ALOX12B: variants seen among roughly 807,000 people sequenced by gnomAD.
ALOX12B encodes the protein arachidonate 12-lipoxygenase, 12R type.
ALOX12B carries 47 observed loss-of-function variants against 78.9 expected under a neutral mutation model. That is an observed-to-expected ratio of 0.60 (90% CI 0.47 to 0.76). The LOEUF (loss-of-function observed/expected upper bound fraction) is 0.76, where lower values mean the gene tolerates loss of function less well. Ranked by LOEUF, ALOX12B falls within the 30% of genes least tolerant of loss-of-function variation. ALOX12B has a pLI of 0.00. For missense variants in ALOX12B, 805 were observed against 922.6 expected, an observed-to-expected ratio of 0.87 and a Z score of 1.65; for synonymous variants, 370 against 374.5, an observed-to-expected ratio of 0.99 and a Z score of 0.14.
Position 8,079,729 on chromosome 17 carries a change from C to A in ALOX12B, c.927+40G>T, listed in dbSNP as rs767713690. ...GAGACGGGGATGCCCGCGAGGGAGG[C>A]CGGGAGGAGGGCCGGGGTCTCCGCC... is the stretch of plus-strand genomic sequence containing the variant. On this transcript the variant is annotated intron_variant, in intron 7 of 14. Coordinates refer to ENST00000647874, the MANE Select transcript of ALOX12B (RefSeq NM_001139.3). This position sits in a 1 kb window ranked among gnomAD's most constrained non-coding sequence, Gnocchi z 6.4. 1.9e-6 allele frequency: 3 copies of A among 1,593,396 alleles called. No individual in the cohort carries two copies. The Admixed American group carries it at 5.2e-5, about 28-fold the overall frequency.
rs1977187202 is a variant in ALOX12B, at chr17:8,080,346, A to G, written c.651-8T>C. 4 of 1,613,894 alleles carry G rather than the reference A, an allele frequency of 2.5e-6. No individual in the cohort carries two copies. Among genetic ancestry groups the G allele is most frequent in the Admixed American group, 3.3e-5 (2 of 60,008 alleles). ...ACTTTGAAAGCCAGTGCCCTAGGAG[A>G]TGGGATTCCAGGAAGAGGCCTTCAG... On this transcript the variant is annotated splice_polypyrimidine_tract_variant and splice_region_variant and intron_variant, in intron 5 of 14. Transcript: ENST00000647874. This position sits in a 1 kb window ranked among gnomAD's most constrained non-coding sequence, Gnocchi z 4.8.
intron 9 of ALOX12B, 64 bp downstream of exon 9, chr17:8,076,926 G>T (rs1042711593): frequency 3.9e-6 from 6 of 1,550,116 alleles, no homozygotes; most frequent in Non-Finnish European, 4.4e-6. Flanking sequence ...GTGGGCCTGG[G>T]GGTTTTCGGA....
intron 12 of ALOX12B, among the ~76,000 whole-genome samples, chr17:8,074,062 T>C (rs960953929): frequency 6.6e-6 from 1 of 152,178 alleles, no homozygotes; most frequent in Non-Finnish European, 1.5e-5. Context: ...GTCCCAGACC[T>C]GGGGATGTTG....
intron 2 of ALOX12B, among the ~76,000 whole-genome samples, chr17:8,081,905 A>G (rs1977225315): frequency 6.6e-6 from 1 of 151,988 alleles, no homozygotes; most frequent in Non-Finnish European, 1.5e-5. Context: ...TGCCTCCCAA[A>G]GTGCTGGGAT....
intron 13 of ALOX12B, 68 bp from the exon 14 acceptor site, chr17:8,073,386 T>G (rs578164109): frequency 6.3e-7 from 1 of 1,598,166 alleles, no homozygotes; most frequent in African/African-American, 1.3e-5. Context: ...CACCAGGTGC[T>G]GACCACCCGC....
chr17:8,087,562 G>A lies in ALOX12B; in HGVS notation c.-120C>T, dbSNP rs1262330080. 1.2e-5 allele frequency: 19 copies of A among 1,525,250 alleles called. No individual in the cohort carries two copies. The South Asian group carries it at 1.5e-4, about 12-fold the overall frequency. 94.5% of individuals were successfully genotyped at this position (1,525,250 alleles called of 1,614,324 possible). A position where few individuals can be genotyped will look rare whatever the true frequency, so the allele number is the denominator to read the frequency against. ...AGTGGAGTGGACAGGGCTGGCCTCC[G>A]AGGTGCAGTGGTGAGGTGGCGAGGT... is the stretch of plus-strand genomic sequence containing the variant. On this transcript the variant is annotated 5_prime_UTR_variant, in exon 1 of 15. Transcript: ENST00000647874.
chr17:8,081,073 C>T (rs773879194), intron 3 of ALOX12B, 33 bp downstream of exon 3: 4 of 1,613,270 alleles, frequency 2.5e-6, no homozygotes, highest in East Asian at 4.5e-5. Flanking sequence ...GGACCCCTGC[C>T]GGGCGCCCAG....
chr17:8,073,420 C>A (rs1180469406), intron 13 of ALOX12B, 102 bp from the exon 14 acceptor site: 6 of 1,522,386 alleles, frequency 3.9e-6, no homozygotes, highest in Admixed American at 1.7e-5. Flanking sequence ...AGATGGACTC[C>A]CCGCCCTTGG....
rs138646793 is a variant in ALOX12B, at chr17:8,080,959, G to A, written c.452C>T (p.Pro151Leu). The change falls in exon 4 of 15, where the codon CCT (proline) becomes CTT (leucine). Residue 151 changes from proline (P) to leucine (L), a missense_variant. Pro to Leu is a moderately conservative substitution (Grantham distance 98). Transcript: ENST00000647874. This position sits in a 1 kb window ranked among gnomAD's most constrained non-coding sequence, Gnocchi z 4.8. ...QDFYHWRVFL[P>L]GLPSYVHIPS... ...AATGTGCACATAGCTGGGCAGGCCA[G>A]GAAGAAAGACTCGCCAGCTGCAAGG... 1.2e-6 allele frequency: 2 copies of A among 1,613,968 alleles called. No homozygotes were observed. The highest frequency in any genetic ancestry group is 2.2e-5 in the South Asian group (2 of 91,082).
rs773173020 is a variant in ALOX12B, at chr17:8,072,815, A to G, written c.2062T>C (p.Tyr688His). 5.6e-6 allele frequency: 9 copies of G among 1,614,110 alleles called. No individual in the cohort carries two copies. Among genetic ancestry groups the G allele is most frequent in the African/African-American group, 1.3e-5 (1 of 74,928 alleles). Residue 688 changes from tyrosine (Y) to histidine (H), a missense_variant, in exon 15 of 15, where the codon TAC becomes CAC. Coordinates refer to ENST00000647874, the MANE Select transcript of ALOX12B (RefSeq NM_001139.3). ...QRNKCLPIPY[Y>H]YLDPVLIENS... ...TCAATCAGCACCGGGTCCAGGTAGTAGTAGGGGATGGGAAGGCACTTGTTG... is the reference window on the plus strand; with the variant it reads ...TCAATCAGCACCGGGTCCAGGTAGTGGTAGGGGATGGGAAGGCACTTGTTG...
At position 8,072,848 on chromosome 17, in the gene ALOX12B, G is replaced by A; in HGVS notation, c.2029C>T (p.Arg677Cys). 7.4e-6 allele frequency: 12 copies of A among 1,614,210 alleles called. No individual in the cohort carries two copies. Among genetic ancestry groups the A allele is most frequent in the Non-Finnish European group, 9.3e-6 (11 of 1,180,034 alleles). Residue 677 changes from arginine to cysteine, a missense_variant, in exon 15 of 15, where the codon CGC becomes TGC. Coordinates refer to ENST00000647874, the MANE Select transcript of ALOX12B (RefSeq NM_001139.3). ...QRLNQISHDI[R>C]QRNKCLPIPY... is the part of the protein sequence containing the mutation. ...ATGGGAAGGCACTTGTTGCGCTGGC[G>A]GATGTCGTGTGAGATCTGGTTCAGG...
In ALOX12B at chr17:8,080,356, A is replaced by G; in HGVS notation, c.651-18T>C. 2 of 1,613,710 alleles carry G rather than the reference A, an allele frequency of 1.2e-6. No individual in the cohort carries two copies. Among genetic ancestry groups the G allele is most frequent in the Non-Finnish European group, 8.5e-7 (1 of 1,179,592 alleles). On this transcript the variant is annotated intron_variant, in intron 5 of 14. Transcript: ENST00000647874. The surrounding 1 kb of genome is among the most constrained non-coding windows in gnomAD (Gnocchi z 4.8). Reference sequence around the variant, plus strand: ...CCAGTGCCCTAGGAGATGGGATTCCAGGAAGAGGCCTTCAGAGGGGCTGCC... The same window carrying G: ...CCAGTGCCCTAGGAGATGGGATTCCGGGAAGAGGCCTTCAGAGGGGCTGCC...
chr17:8,073,363 A>G, intron 13 of ALOX12B, 45 bp from the exon 14 acceptor site: 1 of 1,611,004 alleles, frequency 6.2e-7, no homozygotes, highest in South Asian at 1.1e-5. Flanking sequence ...AGAGTACCTC[A>G]GGAGTTTCCT....
In ALOX12B at chr17:8,083,537, T is replaced by A. The variant is rs540867726; in HGVS notation, c.353-2350A>T. Among the ~76,000 whole-genome samples the A allele has an allele frequency of 7.1e-4, 108 of 151,998 alleles. 1 individual carries two copies. Among genetic ancestry groups the A allele is most frequent in the African/African-American group, 2.5e-3 (104 of 41,452 alleles). ...TGAGGTCAGGAATTCAAGACCAGCC[T>A]GACCAACATGATGAAACCCCATCTC... On this transcript the variant is annotated intron_variant, in intron 2 of 14. Coordinates refer to ENST00000647874, the MANE Select transcript of ALOX12B (RefSeq NM_001139.3).
chr17:8,085,786 T>G (rs963249892), intron 2 of ALOX12B, among the ~76,000 whole-genome samples: 2 of 152,070 alleles, frequency 1.3e-5, no homozygotes, highest in African/African-American at 4.8e-5. Context: ...ATGCTGAGGG[T>G]AGCTGCTGGG....
Position 8,075,614 on chromosome 17 carries a change from G to C in ALOX12B, c.1635C>G (p.Leu545=). The C allele has an allele frequency of 1.9e-6, 3 of 1,614,154 alleles. No individual in the cohort carries two copies. Among genetic ancestry groups the C allele is most frequent in the Non-Finnish European group, 2.5e-6 (3 of 1,180,032 alleles). The part of the protein sequence containing the change: ...SWVQEIFKEC[L]LGRESSGFPR... ...CCATACCTGAGCTCTCCCGCCCCAG[G>C]AGGCACTCTTTAAATATTTCCTGCA... is the stretch of plus-strand genomic sequence containing the variant. Residue 545 remains leucine (L), a synonymous_variant, in exon 12 of 15, where the codon CTC becomes CTG. Transcript: ENST00000647874.
Position 8,072,911 on chromosome 17 carries a change from C to A in ALOX12B, c.1966G>T (p.Glu656Ter). Residue 656 changes from glutamate (E) to a stop codon, truncating the protein, a stop_gained, in exon 15 of 15, where the codon GAG becomes TAG. Transcript: ENST00000647874. LOFTEE classifies it high-confidence loss of function. Reference protein sequence around the residue: ...GHFPDIHFVEEAPRRSIEAFR... With the variant: ...GHFPDIHFVE Reference sequence around the variant, plus strand: ...GCCTCTATGCTCCTCCGCGGGGCCTCCTCCACGAAGTGAATGTCCGGGAAG... The same window carrying A: ...GCCTCTATGCTCCTCCGCGGGGCCTACTCCACGAAGTGAATGTCCGGGAAG... 6.2e-7 allele frequency: 1 copy of A among 1,613,918 alleles called. No homozygotes were observed. The highest frequency in any genetic ancestry group is 8.5e-7 in the Non-Finnish European group (1 of 1,179,918).
chr17:8,080,088 C>T lies in ALOX12B; in HGVS notation c.754+147G>A, dbSNP rs2151823082. On this transcript the variant is annotated intron_variant, in intron 6 of 14. Coordinates refer to ENST00000647874, the MANE Select transcript of ALOX12B (RefSeq NM_001139.3). This position sits in a 1 kb window ranked among gnomAD's most constrained non-coding sequence, Gnocchi z 4.8. ...CTGGCGCTGAGCGGCCGGAGGAGCC[C>T]GGTGCGACATTTTCCAAGAAGCCGC... 6.8e-7 allele frequency: 1 copy of T among 1,476,656 alleles called. No homozygotes were observed. Among genetic ancestry groups the T allele is most frequent in the Non-Finnish European group, 9.4e-7 (1 of 1,062,868 alleles). 91.5% of individuals were successfully genotyped at this position (1,476,656 alleles called of 1,614,324 possible).
rs1233224399 is a variant in ALOX12B, at chr17:8,080,170, GC to G, written c.754+64del. On this transcript the variant is annotated intron_variant, in intron 6 of 14. Transcript: ENST00000647874. This position sits in a 1 kb window ranked among gnomAD's most constrained non-coding sequence, Gnocchi z 4.8. ...CCGTCCCACTGCCCCGAAGTCGGGG[GC>G]CTGCCTAGCACGCCGGAGACCGCCT... The G allele has an allele frequency of 6.4e-7, 1 of 1,565,338 alleles. No individual in the cohort carries two copies. The highest frequency in any genetic ancestry group is 8.8e-7 in the Non-Finnish European group (1 of 1,135,966).
Sources: gnomAD v4.1 joint callset for allele counts (sites outside exome capture counted in the v4.1 genomes callset) on GRCh38, gnomAD v4.1.1 for gene constraint, Gnocchi (gnomAD v3.1) non-coding constraint, MANE v1.5 for transcripts, NCBI Gene and HGNC (gene_info 2026-07-23, HGNC 2026-07-21) for gene names.